The following SIGLEC9 variants were observed in gnomAD, a reference collection of about 807,000 sequenced individuals.
The protein encoded by SIGLEC9 is sialic acid binding Ig like lectin 9, also known as sialic acid-binding Ig-like lectin 9.
In SIGLEC9, 26 loss-of-function variants were observed where a neutral mutation model predicts 38.3. The ratio of observed to expected loss-of-function variants is 0.68; its 90% CI spans 0.50 to 0.94. The LOEUF (loss-of-function observed/expected upper bound fraction) is 0.94, where lower values mean the gene tolerates loss of function less well. Among genes scored for constraint, SIGLEC9 ranks in the 40% least tolerant of loss-of-function variants. The pLI is 0.00. For missense variants in SIGLEC9, 556 were observed against 585.7 expected (o/e 0.95, Z 0.52); for synonymous variants, 236 against 248.0 (o/e 0.95, Z 0.45).
intron 3 of SIGLEC9, 90 bp downstream of exon 3, chr19:51,126,218 G>T (rs2091978524): frequency 7.7e-7 from 1 of 1,294,138 alleles, no homozygotes; most frequent in African/African-American, 1.5e-5. Flanking sequence ...ACTCACTTTG[G>T]CAAACAGGGA....
chr19:51,125,960 T>C (rs1208097151), intron 2 of SIGLEC9, 85 bp downstream of exon 2: 32 of 1,595,006 alleles, frequency 2.0e-5, no homozygotes, highest in Middle Eastern at 1.7e-4. Flanking sequence ...GAATCTGGGC[T>C]GGTGGTGGGG....
At chr19:51,123,940 G>T (rs1357330624), upstream of SIGLEC9, among the ~76,000 whole-genome samples, 1 of 152,104 alleles carries the variant, frequency 6.6e-6, no homozygotes, top group Non-Finnish European at 1.5e-5. Context: ...CATCGCGGAG[G>T]GTGCATGCCC....
upstream of SIGLEC9, among the ~76,000 whole-genome samples, chr19:51,124,103 T>A (rs1278242845): frequency 6.6e-6 from 1 of 152,180 alleles, no homozygotes; most frequent in East Asian, 1.9e-4. Context: ...AAGAAACCCT[T>A]CGTGGTGCAG....
chr19:51,132,397 G>C (rs1023691980), downstream of SIGLEC9, among the ~76,000 whole-genome samples: 3 of 152,158 alleles, frequency 2.0e-5, no homozygotes, highest in Non-Finnish European at 4.4e-5. Context: ...CTGAGGCACC[G>C]TGTGCGTGTT....
upstream of SIGLEC9, among the ~76,000 whole-genome samples, chr19:51,121,125 G>A (rs1011940430): frequency 2.0e-5 from 3 of 151,722 alleles, no homozygotes; most frequent in Admixed American, 6.6e-5. Flanking sequence ...GATTACAGGC[G>A]TGCACCACTG....
In SIGLEC9 at chr19:51,127,182, A is replaced by C. The variant is rs1432639632; in HGVS notation, c.901A>C (p.Asn301His). Residue 301 changes from asparagine (N) to histidine (H), a missense_variant, in exon 4 of 7, where the codon AAC (asparagine) becomes CAC (histidine). Transcript: ENST00000250360. ...GACCCTGTGCCCCTCACAGCCCTCA[A>C]ACCCGGGGGTGCTGGAGCTGCCTTG... ...GLTLCPSQPSNPGVLELPWVH... is the reference protein window; with the variant it reads ...GLTLCPSQPSHPGVLELPWVH... 5.0e-6 allele frequency: 8 copies of C among 1,614,118 alleles called. No individual in the cohort carries two copies. Among genetic ancestry groups the C allele is most frequent in the Middle Eastern group, 3.3e-4 (2 of 6,084 alleles).
Position 51,130,201 on chromosome 19 carries a change from T to C in SIGLEC9, c.*122T>C. 1 of 1,422,238 alleles carries C rather than the reference T, an allele frequency of 7.0e-7. No individual in the cohort carries two copies. The highest frequency in any genetic ancestry group is 9.2e-7 in the Non-Finnish European group (1 of 1,089,426). 88.1% of individuals were successfully genotyped at this position (1,422,238 alleles called of 1,614,324 possible). On this transcript the variant is annotated 3_prime_UTR_variant, in exon 7 of 7. Coordinates refer to ENST00000250360, the MANE Select transcript of SIGLEC9 (RefSeq NM_014441.3). ...TGATGAGCTATGATAACACTATGAA[T>C]TATGTGCAGAGTGAAAAGCACACAG...
chr19:51,121,957 G>C (rs1049253804), upstream of SIGLEC9, among the ~76,000 whole-genome samples: 1 of 151,270 alleles, frequency 6.6e-6, no homozygotes, highest in Admixed American at 6.6e-5. Context: ...CTGTGCCCCT[G>C]ATAGCACAAG....
intron 1 of SIGLEC9, 85 bp from the exon 2 acceptor site, chr19:51,125,512 C>A (rs1046670311): frequency 1.3e-6 from 2 of 1,568,640 alleles, no homozygotes; most frequent in Non-Finnish European, 1.7e-6. Flanking sequence ...TGGCTCAGGG[C>A]AGGAGCTGGA....
At chr19:51,124,813 A>T, upstream of SIGLEC9, 2 of 875,160 alleles carry the variant, frequency 2.3e-6, no homozygotes, top group South Asian at 1.8e-5. Flanking sequence ...CCCGGGCCTG[A>T]CAGTGTCTGG....
chr19:51,128,152 C>A, intron 5 of SIGLEC9, 113 bp downstream of exon 5: 2 of 901,426 alleles, frequency 2.2e-6, no homozygotes, highest in Admixed American at 2.2e-5. Context: ...GAGCTTGGGG[C>A]AAGAAGGAGG....
rs748590086 is a variant in SIGLEC9 at position 51,127,976 on chromosome 19, G to T, written c.1043G>T (p.Gly348Val). ...QSKATSGVTQGVVGGAGATAL... is the reference protein window; with the variant it reads ...QSKATSGVTQVVVGGAGATAL... ...AAAGCCACATCAGGAGTGACTCAGG[G>T]GGTGGTCGGGGGAGCTGGAGCCACA... The change falls in exon 5 of 7, where the codon GGG becomes GTG. Residue 348 changes from glycine to valine, a missense_variant. Transcript: ENST00000250360. 6.2e-7 allele frequency: 1 copy of T among 1,613,920 alleles called. No individual in the cohort carries two copies.
At chr19:51,131,669 A>C (rs190637101), downstream of SIGLEC9, among the ~76,000 whole-genome samples, 253 of 152,102 alleles carry the variant, frequency 1.7e-3, 1 homozygote, top group East Asian at 1.7e-3. Flanking sequence ...TCATCCCAAC[A>C]CTTTGGGAGG....
chr19:51,124,457 C>G (rs2091962485), upstream of SIGLEC9, among the ~76,000 whole-genome samples: 1 of 152,148 alleles, frequency 6.6e-6, no homozygotes, highest in Admixed American at 6.5e-5. Flanking sequence ...GTGTCCAGCT[C>G]TGCTGTGTTG....
chr19:51,129,394 T>A (rs535674996), intron 6 of SIGLEC9, among the ~76,000 whole-genome samples: 1 of 151,758 alleles, frequency 6.6e-6, no homozygotes, highest in South Asian at 2.1e-4. Context: ...CTCCTGACCT[T>A]GTGATCTGCC....
At position 51,128,542 on chromosome 19, in the gene SIGLEC9, G is replaced by A. The variant is rs1162149306; in HGVS notation, c.1203+32G>A. On this transcript the variant is annotated intron_variant, in intron 6 of 6. Coordinates refer to ENST00000250360, the MANE Select transcript of SIGLEC9 (RefSeq NM_014441.3). ...GATGTGGACTCTCCACAGCCAGCAT[G>A]TAGCCTGGACACCTCCCACAGGATG... 5 of 1,598,984 alleles carry A rather than the reference G, an allele frequency of 3.1e-6. No individual in the cohort carries two copies. In the African/African-American group the frequency reaches 6.7e-5, roughly 21 times the overall value.
intron 6 of SIGLEC9, among the ~76,000 whole-genome samples, chr19:51,129,414 T>C (rs28588574): frequency 0.33 from 49,879 of 151,626 alleles, 9,025 homozygotes; most frequent in African/African-American, 0.47. Flanking sequence ...CCACCTTGGC[T>C]TCCCGAAGTG....
In SIGLEC9 at chr19:51,125,332, C is replaced by T. The variant is rs147625837; in HGVS notation, c.358C>T (p.Arg120Cys). ...RRSDAGRYFFRMEKGSIKWNY... is the reference protein window; with the variant it reads ...RRSDAGRYFFCMEKGSIKWNY... ...AAGTGATGCGGGGAGATACTTCTTTCGTATGGAGAAAGGAAGTATAAAATG... is the reference window on the plus strand; with the variant it reads ...AAGTGATGCGGGGAGATACTTCTTTTGTATGGAGAAAGGAAGTATAAAATG... Residue 120 changes from arginine to cysteine, a missense_variant, in exon 1 of 7, where the codon CGT (arginine) becomes TGT (cysteine). Physicochemically the swap from Arg to Cys is radical, Grantham distance 180. Coordinates refer to ENST00000250360, the MANE Select transcript of SIGLEC9 (RefSeq NM_014441.3). The T allele has an allele frequency of 1.7e-5, 27 of 1,611,388 alleles. No homozygotes were observed. Among genetic ancestry groups the T allele is most frequent in the South Asian group, 2.2e-5 (2 of 90,868 alleles).
At chr19:51,125,432 G>A (rs2091971102) in intron 1 of SIGLEC9, 37 bp downstream of exon 1, 2 of 1,558,210 alleles carry the variant, frequency 1.3e-6, no homozygotes, top group Non-Finnish European at 1.7e-6. Context: ...ACAGGGAAAG[G>A]TCATGGGGGC....
Sources: gnomAD v4.1 joint callset for allele counts (sites outside exome capture counted in the v4.1 genomes callset) on GRCh38, gnomAD v4.1.1 for gene constraint, MANE v1.5 for transcripts, NCBI Gene and HGNC (gene_info 2026-07-23, HGNC 2026-07-21) for gene names.